The following GRIN2B variants were observed in gnomAD, a reference collection of about 807,000 sequenced individuals.
The protein encoded by GRIN2B is glutamate ionotropic receptor NMDA type subunit 2B, also known as glutamate receptor ionotropic, NMDA 2B.
Under a neutral mutation model 114.5 loss-of-function variants are expected in GRIN2B, and 5 were observed. That is an observed-to-expected ratio of 0.04 (90% CI 0.02 to 0.09). The LOEUF is 0.09. Among genes scored for constraint, GRIN2B ranks in the 10% least tolerant of loss-of-function variants. The probability of loss-of-function intolerance (pLI) is 1.00; values close to 1 mark genes in which losing one functional copy is unlikely to be tolerated. For synonymous variants in GRIN2B, 787 were observed against 745.1 expected, an observed-to-expected ratio of 1.06 and a Z score of -0.92; for missense variants, 1,108 against 1,943.5, an observed-to-expected ratio of 0.57 and a Z score of 8.08.
chr12:13,620,886 C>A (rs1353494852), intron 5 of GRIN2B, among the ~76,000 whole-genome samples: 4 of 139,258 alleles, frequency 2.9e-5, no homozygotes, highest in East Asian at 2.2e-4. Context: ...TTCGTTTCTT[C>A]AAGGAAATGA....
intron 3 of GRIN2B, among the ~76,000 whole-genome samples, chr12:13,854,945 TCA>T: frequency 6.6e-6 from 1 of 150,502 alleles, no homozygotes; most frequent in East Asian, 2.0e-4. Flanking sequence ...GCACAGTGGC[TCA>T]CACCTATAAT....
intron 3 of GRIN2B, among the ~76,000 whole-genome samples, chr12:13,848,205 G>T (rs1347808776): frequency 2.0e-5 from 3 of 152,190 alleles, no homozygotes; most frequent in African/African-American, 4.8e-5. Flanking sequence ...GTCCAATGGG[G>T]TATCTGAAAT....
chr12:13,828,545 G>T (rs1190687916), intron 3 of GRIN2B, among the ~76,000 whole-genome samples: 1 of 152,080 alleles, frequency 6.6e-6, no homozygotes, highest in Non-Finnish European at 1.5e-5. Flanking sequence ...CTCCCCAAAT[G>T]CTGATCTCTG....
intron 3 of GRIN2B, among the ~76,000 whole-genome samples, chr12:13,760,937 A>G (rs1389276130): frequency 6.6e-6 from 1 of 152,210 alleles, no homozygotes. Flanking sequence ...GTTCTTTAGC[A>G]TGGCTTTGAA....
At chr12:13,851,040 G>A (rs936383991) in intron 3 of GRIN2B, among the ~76,000 whole-genome samples, 4 of 152,118 alleles carry the variant, frequency 2.6e-5, no homozygotes, top group Non-Finnish European at 4.4e-5. Flanking sequence ...TTTTCTAAAG[G>A]GGTAATAAAA....
At chr12:13,576,585 C>T (rs950761337) in intron 10 of GRIN2B, among the ~76,000 whole-genome samples, 2 of 150,646 alleles carry the variant, frequency 1.3e-5, no homozygotes, top group Middle Eastern at 3.4e-3. Flanking sequence ...CTCACTCTGT[C>T]ACCCAGGCTG....
At chr12:13,833,652 G>T (rs563320657) in intron 3 of GRIN2B, among the ~76,000 whole-genome samples, 127 of 152,240 alleles carry the variant, frequency 8.3e-4, no homozygotes, top group Non-Finnish European at 1.3e-3. Context: ...ACAAACAGCA[G>T]GTGCAAACAT....
rs1565447883 is a variant in GRIN2B, at chr12:13,554,475, G to C, written c.*8308C>G. The C allele has an allele frequency of 6.6e-6, 1 of 152,160 alleles. No individual in the cohort carries two copies. The highest frequency in any genetic ancestry group is 2.4e-5 in the African/African-American group (1 of 41,430). 9.4% of individuals were successfully genotyped at this position (152,160 alleles called of 1,614,324 possible). On this transcript the variant is annotated 3_prime_UTR_variant, in exon 14 of 14. Coordinates refer to ENST00000609686, the MANE Select transcript of GRIN2B (RefSeq NM_000834.5). ...GGGAACAGTTTAAGGGAAGACGCAA[G>C]TGGGAAAACAAGCTGGTAGGGAAAG... is the stretch of plus-strand genomic sequence containing the variant.
At chr12:13,800,540 G>A (rs139082908) in intron 3 of GRIN2B, among the ~76,000 whole-genome samples, 47 of 152,164 alleles carry the variant, frequency 3.1e-4, no homozygotes, top group Non-Finnish European at 4.4e-4. Context: ...TATTAACCAC[G>A]GTTTAAATCT....
rs1209210849 is a variant in GRIN2B at position 13,556,932 on chromosome 12, C to T, written c.*5851G>A. 2 of 152,168 alleles carry T rather than the reference C, an allele frequency of 1.3e-5. No individual in the cohort carries two copies. The highest frequency in any genetic ancestry group is 1.3e-4 in the Admixed American group (2 of 15,276). The allele number at this position is 152,168 out of a possible 1,614,324, so 9.4% of individuals were successfully genotyped here. ...TGCTATTCTAACCCATTACTCTGAA[C>T]AAAATTCTTTTTTCTTGCTTCAATA... On this transcript the variant is annotated 3_prime_UTR_variant, in exon 14 of 14. Transcript: ENST00000609686.
intron 9 of GRIN2B, among the ~76,000 whole-genome samples, chr12:13,609,203 C>A (rs1949327504): frequency 6.6e-6 from 1 of 152,132 alleles, no homozygotes; most frequent in Non-Finnish European, 1.5e-5. Context: ...ACACTTGGGT[C>A]ATGTCTGTCA....
chr12:13,733,583 G>A (rs1337454125), intron 4 of GRIN2B, among the ~76,000 whole-genome samples: 3 of 152,144 alleles, frequency 2.0e-5, no homozygotes, highest in African/African-American at 7.2e-5. Context: ...CAATCTAAAA[G>A]AGGATGGCTC....
chr12:13,803,812 A>T (rs988614827), intron 3 of GRIN2B, among the ~76,000 whole-genome samples: 1 of 152,154 alleles, frequency 6.6e-6, no homozygotes, highest in Non-Finnish European at 1.5e-5. Context: ...GGAAACAACA[A>T]TTCACAAGGG....
At chr12:13,723,132 C>CTTT (rs5796556) in intron 4 of GRIN2B, among the ~76,000 whole-genome samples, 1 of 147,992 alleles carries the variant, frequency 6.8e-6, no homozygotes, top group Non-Finnish European at 1.5e-5. Flanking sequence ...ATGCTTACAC[C>CTTT]TTTTTTTTTT....
At chr12:13,662,302 C>T (rs142566940) in intron 5 of GRIN2B, among the ~76,000 whole-genome samples, 2 of 152,256 alleles carry the variant, frequency 1.3e-5, no homozygotes, top group East Asian at 3.9e-4. Context: ...AGCCTCAACA[C>T]AGAATCTGTA....
intron 2 of GRIN2B, among the ~76,000 whole-genome samples, chr12:13,910,182 T>C (rs1025316407): frequency 4.6e-5 from 7 of 152,200 alleles, no homozygotes; most frequent in Non-Finnish European, 7.4e-5. Context: ...ACTTATTAAG[T>C]ATCCCTGGTG....
intron 4 of GRIN2B, among the ~76,000 whole-genome samples, chr12:13,696,648 A>G (rs1346920891): frequency 6.6e-6 from 1 of 152,120 alleles, no homozygotes; most frequent in Non-Finnish European, 1.5e-5. Context: ...ACTTCAATGA[A>G]CTCATATGGA....
At chr12:13,745,597 C>G (rs929934875) in intron 4 of GRIN2B, among the ~76,000 whole-genome samples, 6 of 152,210 alleles carry the variant, frequency 3.9e-5, no homozygotes, top group African/African-American at 7.2e-5. Flanking sequence ...GAGGAGTGAC[C>G]GCTCTGAGAC....
intron 5 of GRIN2B, among the ~76,000 whole-genome samples, chr12:13,668,625 A>T (rs1949997721): frequency 6.6e-6 from 1 of 152,040 alleles, no homozygotes; most frequent in Non-Finnish European, 1.5e-5. Context: ...ACACAACAAA[A>T]TATGTAATCC....
Sources: gnomAD v4.1 joint callset for allele counts (sites outside exome capture counted in the v4.1 genomes callset) on GRCh38, gnomAD v4.1.1 for gene constraint, MANE v1.5 for transcripts, NCBI Gene and HGNC (gene_info 2026-07-23, HGNC 2026-07-21) for gene names.